Variants in RCN2 observed in about 807,000 individuals in gnomAD.
The protein encoded by RCN2 is reticulocalbin 2.
A neutral mutation model predicts 37.5 loss-of-function variants in RCN2; 23 were observed. The ratio of observed to expected loss-of-function variants is 0.61; its 90% CI spans 0.44 to 0.87. The LOEUF (loss-of-function observed/expected upper bound fraction) is 0.87. Ranked by LOEUF, RCN2 falls within the 40% of genes least tolerant of loss-of-function variation. RCN2 has a pLI of 0.00. For synonymous variants in RCN2, 140 were observed against 144.6 expected (o/e 0.97, Z 0.23); for missense variants, 381 against 390.4 (o/e 0.98, Z 0.20).
At chr15:76,938,719 A>G (rs2075263821) in intron 3 of RCN2, 1 of 455,608 alleles carries the variant, frequency 2.2e-6, no homozygotes, top group African/African-American at 2.0e-5. Flanking sequence ...TCTGCTAATA[A>G]CTACAGCATC....
chr15:76,934,284 C>T (rs1354829971), intron 2 of RCN2, among the ~76,000 whole-genome samples: 1 of 152,076 alleles, frequency 6.6e-6, no homozygotes, highest in African/African-American at 2.4e-5. Flanking sequence ...GCTGGGATTA[C>T]AGGCACTGGC....
At chr15:76,942,587 A>G (rs536841144) in intron 3 of RCN2, 25 of 152,338 alleles carry the variant, frequency 1.6e-4, no homozygotes, top group Admixed American at 1.0e-3. Context: ...GGATCCATTT[A>G]AACTTTTGAT....
At chr15:76,938,316 G>T (rs187488619) in intron 3 of RCN2, among the ~76,000 whole-genome samples, 14 of 152,284 alleles carry the variant, frequency 9.2e-5, no homozygotes, top group Admixed American at 3.3e-4. Context: ...TGTCTTATAA[G>T]TAATCTAGAA....
At chr15:76,945,179 AT>A (rs1469613012) in intron 4 of RCN2, among the ~76,000 whole-genome samples, 1 of 152,134 alleles carries the variant, frequency 6.6e-6, no homozygotes, top group African/African-American at 2.4e-5. Flanking sequence ...GAATTTTTAA[AT>A]CTCTGTACTA....
At chr15:76,941,927 A>C in intron 3 of RCN2, 1 of 334,836 alleles carries the variant, frequency 3.0e-6, no homozygotes, top group Non-Finnish European at 5.4e-6. Context: ...ATAATGGTTT[A>C]TTCAAAAAGA....
chr15:76,934,882 A>T lies in RCN2; in HGVS notation c.251-644A>T, dbSNP rs572736320. On this transcript the variant is annotated intron_variant, in intron 2 of 6. Transcript: ENST00000394885. The stretch of plus-strand genomic sequence containing the variant: ...CAAGATTTTGGATAACATTTTTTTT[A>T]AAAGTAAAGTGCTATTTTGGCCAGT... Among the ~76,000 whole-genome samples the T allele has an allele frequency of 7.2e-5, 11 of 152,324 alleles. No homozygotes were observed. In the East Asian group the frequency reaches 1.9e-3, roughly 27 times the overall value.
chr15:76,937,441 G>A (rs1353639445), intron 3 of RCN2, among the ~76,000 whole-genome samples: 1 of 150,124 alleles, frequency 6.7e-6, no homozygotes, highest in Non-Finnish European at 1.5e-5. Context: ...TTTTGAGACA[G>A]TATCTCACTC....
chr15:76,936,074 A>G (rs914072968), intron 3 of RCN2, among the ~76,000 whole-genome samples: 6 of 152,180 alleles, frequency 3.9e-5, no homozygotes, highest in African/African-American at 1.4e-4. Context: ...GCCCATTCCC[A>G]TTTTTAAACA....
intron 3 of RCN2, among the ~76,000 whole-genome samples, chr15:76,941,056 C>T (rs373070250): frequency 2.7e-5 from 4 of 150,734 alleles, no homozygotes; most frequent in South Asian, 2.1e-4. Flanking sequence ...TGTTTTGAGA[C>T]GGAGTCTTGC....
chr15:76,944,835 A>G (rs1248143647), intron 4 of RCN2, among the ~76,000 whole-genome samples: 1 of 152,224 alleles, frequency 6.6e-6, no homozygotes. Context: ...GCTACAACAA[A>G]CATGGGAGTG....
intron 4 of RCN2, among the ~76,000 whole-genome samples, chr15:76,945,276 A>T (rs1005958109): frequency 4.0e-5 from 6 of 151,768 alleles, no homozygotes; most frequent in African/African-American, 1.5e-4. Flanking sequence ...TAGCTTTCAG[A>T]TTTTTTTTGG....
chr15:76,936,403 A>ATGG (rs2075248093), intron 3 of RCN2, among the ~76,000 whole-genome samples: 2 of 152,132 alleles, frequency 1.3e-5, no homozygotes, highest in African/African-American at 4.8e-5. Context: ...GGGGTGGGGA[A>ATGG]TGGTTTTAGG....
Position 76,932,425 on chromosome 15 carries a change from T to A in RCN2, c.209T>A (p.Ile70Lys), listed in dbSNP as rs1424854010. The A allele has an allele frequency of 2.5e-6, 4 of 1,613,888 alleles. No homozygotes were observed. In the South Asian group the frequency reaches 4.4e-5, roughly 18 times the overall value. ...EEQQKRLQAIIKKIDLDSDGF... is the reference protein window; with the variant it reads ...EEQQKRLQAIKKKIDLDSDGF... ...CAGCAAAAAAGACTGCAGGCGATCA[T>A]AAAGAAAATCGACTTGGACTCAGAT... The change falls in exon 2 of 7, where the codon ATA (isoleucine) becomes AAA (lysine). Residue 70 changes from isoleucine (I) to lysine (K), a missense_variant. Coordinates refer to ENST00000394885, the MANE Select transcript of RCN2 (RefSeq NM_002902.3).
chr15:76,953,568 TATATATATATATATATATATATA>T lies in RCN2; in HGVS notation c.*4347_*4369del, dbSNP rs1568463446. The T allele has an allele frequency of 4.3e-4, 7 of 16,236 alleles. No homozygotes were observed. Among genetic ancestry groups the T allele is most frequent in the East Asian group, 2.8e-3 (2 of 710 alleles). 1.0% of individuals were successfully genotyped at this position (16,236 alleles called of 1,614,324 possible). ...CATATAGTAATTCTATATATATATA[TATATATATATATATATATATATA>T]TATTTTTTTTTTTTTTTTTTTTTTT... On this transcript the variant is annotated 3_prime_UTR_variant, in exon 7 of 7. Transcript: ENST00000394885.
chr15:76,948,388 A>G (rs754852363), intron 5 of RCN2, 22 bp from the exon 6 acceptor site: 5 of 1,541,894 alleles, frequency 3.2e-6, no homozygotes, highest in Non-Finnish European at 4.4e-6. Context: ...GTGTATGTAT[A>G]TTTGTGTTTT....
chr15:76,932,255 C>T (rs1425192188), intron 1 of RCN2, 106 bp from the exon 2 acceptor site: 5 of 919,260 alleles, frequency 5.4e-6, no homozygotes, highest in Non-Finnish European at 8.6e-6. Context: ...GCGGGTCACC[C>T]CGAAACCCTT....
chr15:76,939,258 AT>A (rs2075267183), intron 3 of RCN2, among the ~76,000 whole-genome samples: 2 of 151,056 alleles, frequency 1.3e-5, no homozygotes, highest in African/African-American at 4.9e-5. Flanking sequence ...AAATAAATAA[AT>A]AAATAAATAA....
At chr15:76,941,227 A>G (rs753866472) in intron 3 of RCN2, among the ~76,000 whole-genome samples, 22 of 151,986 alleles carry the variant, frequency 1.4e-4, no homozygotes, top group Non-Finnish European at 2.8e-4. Flanking sequence ...GGGTTTCACC[A>G]TGTTGGCCAG....
rs1568463887 is a variant in RCN2 at position 76,954,274 on chromosome 15, C to T, written c.*5052C>T. ...TGAGAAATGTCAACTCAAACTTACACTTTTTCACTTAGGAAGATGATTTAG... is the reference window on the plus strand; with the variant it reads ...TGAGAAATGTCAACTCAAACTTACATTTTTTCACTTAGGAAGATGATTTAG... On this transcript the variant is annotated 3_prime_UTR_variant, in exon 7 of 7. Coordinates refer to ENST00000394885, the MANE Select transcript of RCN2 (RefSeq NM_002902.3). The T allele has an allele frequency of 6.6e-6, 1 of 152,076 alleles. No homozygotes were observed. Among genetic ancestry groups the T allele is most frequent in the Non-Finnish European group, 1.5e-5 (1 of 68,020 alleles). The allele number at this position is 152,076 out of a possible 1,614,324, so 9.4% of individuals were successfully genotyped here.
Sources: allele counts gnomAD v4.1 joint callset (sites outside exome capture counted in the v4.1 genomes callset), GRCh38; gene constraint gnomAD v4.1.1; transcripts MANE v1.5; gene names NCBI Gene and HGNC (gene_info 2026-07-23, HGNC 2026-07-21).